PUM2: variants seen among roughly 807,000 people sequenced by gnomAD.
PUM2 encodes the protein pumilio RNA binding family member 2.
PUM2 carries 57 observed loss-of-function variants against 124.5 expected under a neutral mutation model. That is an observed-to-expected ratio of 0.46 (90% confidence interval 0.37 to 0.57). The LOEUF (loss-of-function observed/expected upper bound fraction) is 0.57, where lower values mean the gene tolerates loss of function less well. PUM2 is among the 20% of genes least tolerant of loss of function. PUM2 has a pLI of 0.00. For synonymous variants in PUM2, 460 were observed against 446.1 expected, an observed-to-expected ratio of 1.03 and a Z score of -0.39; for missense variants, 1,065 against 1,290.6, an observed-to-expected ratio of 0.83 and a Z score of 2.68.
chr2:20,306,362 A>G (rs1034511652), intron 7 of PUM2, among the ~76,000 whole-genome samples: 3 of 152,196 alleles, frequency 2.0e-5, no homozygotes, highest in Admixed American at 1.3e-4. Flanking sequence ...AATAAGCAAG[A>G]ACCAAAAACT....
intron 1 of PUM2, among the ~76,000 whole-genome samples, chr2:20,337,601 G>A (rs1038450573): frequency 6.6e-6 from 1 of 152,176 alleles, no homozygotes; most frequent in Non-Finnish European, 1.5e-5. Flanking sequence ...CATAAAGCAG[G>A]TGGTATTTAA....
At chr2:20,279,032 G>A (rs986602672) in intron 12 of PUM2, among the ~76,000 whole-genome samples, 1 of 151,978 alleles carries the variant, frequency 6.6e-6, no homozygotes, top group African/African-American at 2.4e-5. Flanking sequence ...ACTTAACAGA[G>A]CAGTCATATG....
intron 18 of PUM2, 25 bp downstream of exon 18, chr2:20,255,191 T>C (rs774763046): frequency 1.2e-5 from 18 of 1,564,182 alleles, no homozygotes; most frequent in Admixed American, 3.7e-5. Context: ...TATATAAACA[T>C]TTCAAATTAT....
intron 1 of PUM2, among the ~76,000 whole-genome samples, chr2:20,348,020 G>A (rs1450556129): frequency 6.6e-6 from 1 of 152,070 alleles, no homozygotes; most frequent in Non-Finnish European, 1.5e-5. Flanking sequence ...CTATTTTAAT[G>A]CATTTCCTAA....
At chr2:20,272,229 A>C (rs1241918008) in intron 13 of PUM2, among the ~76,000 whole-genome samples, 1 of 152,242 alleles carries the variant, frequency 6.6e-6, no homozygotes, top group Non-Finnish European at 1.5e-5. Flanking sequence ...TTTGAGAAGC[A>C]GTACAACATC....
chr2:20,263,825 T>C (rs990804646), intron 13 of PUM2, among the ~76,000 whole-genome samples: 2 of 152,152 alleles, frequency 1.3e-5, no homozygotes, highest in Non-Finnish European at 2.9e-5. Flanking sequence ...AAACTTACAT[T>C]TTAAGCCACT....
intron 1 of PUM2, among the ~76,000 whole-genome samples, chr2:20,329,217 G>A (rs1375738413): frequency 1.3e-5 from 2 of 149,442 alleles, no homozygotes; most frequent in East Asian, 3.9e-4. Flanking sequence ...TTCTCCATAT[G>A]GTCCTATTTG....
At chr2:20,322,385 C>A (rs1166672518) in intron 2 of PUM2, among the ~76,000 whole-genome samples, 1 of 152,006 alleles carries the variant, frequency 6.6e-6, no homozygotes, top group Admixed American at 6.6e-5. Flanking sequence ...GAGCTAGAGA[C>A]CAGCCTGGCC....
chr2:20,281,536 G>T (rs762448973), intron 12 of PUM2, among the ~76,000 whole-genome samples: 1 of 152,244 alleles, frequency 6.6e-6, no homozygotes, highest in Non-Finnish European at 1.5e-5. Flanking sequence ...CCACAAGTTT[G>T]TTTTTTATGT....
At chr2:20,297,330 A>T (rs1473760107) in intron 8 of PUM2, among the ~76,000 whole-genome samples, 1 of 152,210 alleles carries the variant, frequency 6.6e-6, no homozygotes, top group Non-Finnish European at 1.5e-5. Flanking sequence ...GCTGAAATGT[A>T]AGCCAATTAC....
intron 1 of PUM2, 126 bp downstream of exon 1, chr2:20,350,471 A>G (rs1689130934): frequency 3.1e-6 from 3 of 983,148 alleles, no homozygotes; most frequent in African/African-American, 1.8e-5. Flanking sequence ...CGGCCCGGGC[A>G]CTCAGCAGGC....
chr2:20,257,169 T>C (rs1435092400), intron 16 of PUM2, among the ~76,000 whole-genome samples: 3 of 151,712 alleles, frequency 2.0e-5, no homozygotes, highest in Non-Finnish European at 4.4e-5. Flanking sequence ...TAAAAATATC[T>C]ATACCAGTTA....
intron 2 of PUM2, chr2:20,326,452 C>G: frequency 4.7e-6 from 6 of 1,281,958 alleles, no homozygotes; most frequent in Non-Finnish European, 6.2e-6. Flanking sequence ...GTAAAATAAT[C>G]TCCAGGAGCA....
At position 20,327,462 on chromosome 2, in the gene PUM2, T is replaced by C. The variant is rs1037471734; in HGVS notation, c.-18-84A>G. 1.9e-5 allele frequency: 16 copies of C among 822,088 alleles called. No homozygotes were observed. The Admixed American group carries it at 2.0e-4, about 10-fold the overall frequency. The allele number at this position is 822,088 out of a possible 1,614,324, so 50.9% of individuals were successfully genotyped here. A position where few individuals can be genotyped will look rare whatever the true frequency, so the allele number is the denominator to read the frequency against. On this transcript the variant is annotated intron_variant, in intron 1 of 20. Coordinates refer to ENST00000361078, the MANE Select transcript of PUM2 (RefSeq NM_015317.5). ...CTATTTTTATATTATATTGCTGCTA[T>C]GACTAATATTAGCATGATCTGAGAA...
At chr2:20,264,373 T>TATATAC (rs1553362369) in intron 13 of PUM2, among the ~76,000 whole-genome samples, 5 of 84,622 alleles carry the variant, frequency 5.9e-5, no homozygotes, top group African/African-American at 1.8e-4. Context: ...AAAAAATATA[T>TATATAC]ATATATATAT....
chr2:20,263,553 A>AT, intron 13 of PUM2, 93 bp from the exon 14 acceptor site: 1 of 1,392,720 alleles, frequency 7.2e-7, no homozygotes, highest in Non-Finnish European at 9.7e-7. Context: ...CAATAAAGAA[A>AT]TATTTCCCCC....
chr2:20,351,479 A>G (rs538418042), upstream of PUM2, among the ~76,000 whole-genome samples: 1 of 152,322 alleles, frequency 6.6e-6, no homozygotes, highest in South Asian at 2.1e-4. Context: ...GTCCCGGTGC[A>G]CACAAAGGAA....
chr2:20,314,705 A>C (rs1049181887), intron 3 of PUM2, among the ~76,000 whole-genome samples: 2 of 152,198 alleles, frequency 1.3e-5, no homozygotes, highest in African/African-American at 4.8e-5. Context: ...CAGTATGTGC[A>C]TCCAGGAGAT....
chr2:20,350,615 C>A lies in PUM2; in HGVS notation c.-37G>T. ...GACTTACAGGGCTGCTGCGGCCGCG[C>A]TGCCTCAGCCGGGGACACCGACCGT... On this transcript the variant is annotated 5_prime_UTR_variant, in exon 1 of 21. Transcript: ENST00000361078. 1.0e-6 allele frequency: 1 copy of A among 985,480 alleles called. No individual in the cohort carries two copies. Among genetic ancestry groups the A allele is most frequent in the Non-Finnish European group, 1.2e-6 (1 of 829,996 alleles). The allele number at this position is 985,480 out of a possible 1,614,324, so 61.0% of individuals were successfully genotyped here.
Sources: allele counts gnomAD v4.1 joint callset (sites outside exome capture counted in the v4.1 genomes callset), GRCh38; gene constraint gnomAD v4.1.1; transcripts MANE v1.5; gene names NCBI Gene and HGNC (gene_info 2026-07-23, HGNC 2026-07-21).